Variants in NSUN2 observed in about 807,000 individuals in gnomAD.
NSUN2 encodes NOP2/Sun RNA methyltransferase 2.
In NSUN2, 63 loss-of-function variants were observed where a neutral mutation model predicts 92.7. That is an observed-to-expected ratio of 0.68 (90% CI 0.56 to 0.84). The LOEUF is 0.84. Among genes scored for constraint, NSUN2 ranks in the 40% least tolerant of loss-of-function variants. The pLI is 0.00. For missense variants in NSUN2, 989 were observed against 964.9 expected (o/e 1.02, Z -0.33); for synonymous variants, 356 against 348.3 (o/e 1.02, Z -0.25).
rs141912087 is a variant in NSUN2, at chr5:6,631,974, G to A, written c.258C>T (p.His86=). 4.6e-4 allele frequency: 732 copies of A among 1,606,798 alleles called. 1 individual carries two copies. Among genetic ancestry groups the A allele is most frequent in the Admixed American group, 1.3e-3 (77 of 59,590 alleles). Residue 86 remains histidine (H), a synonymous_variant, in exon 3 of 19, where the codon CAC becomes CAT. Transcript: ENST00000264670. The part of the protein sequence containing the change: ...ATLRITGYKS[H]AKEILHCLKN... The stretch of plus-strand genomic sequence containing the variant: ...TTAAGCAATGGAGAATCTCTTTTGC[G>A]TGGCTATTGAAAAATAAGGAAGTTT...
At chr5:6,632,801 C>A (rs376722580) in intron 1 of NSUN2, 45 bp from the exon 2 acceptor site, 1 of 1,586,336 alleles carries the variant, frequency 6.3e-7, no homozygotes, top group Admixed American at 1.8e-5. Flanking sequence ...AAGGAGCCGC[C>A]CCCTCGCCGC....
chr5:6,606,901 G>A lies in NSUN2; in HGVS notation c.1520C>T (p.Ser507Leu). The A allele has an allele frequency of 6.3e-7, 1 of 1,576,322 alleles. No individual in the cohort carries two copies. Reference sequence around the variant, plus strand: ...AAATCCAAATAACTTCATTTTCTTTGATGGAGGAGGACTAAAAAGGGAATC... The same window carrying A: ...AAATCCAAATAACTTCATTTTCTTTAATGGAGGAGGACTAAAAAGGGAATC... Reference protein sequence around the residue: ...KKDGVCGPPPSKKMKLFGFKE... With the variant: ...KKDGVCGPPPLKKMKLFGFKE... Residue 507 changes from serine to leucine, a missense_variant, in exon 14 of 19, where the codon TCA (serine) becomes TTA (leucine). Physicochemically the swap from Ser to Leu is moderately radical, Grantham distance 145 (BLOSUM62 -2). This residue lies in a region of NSUN2 where 626 missense variants were observed against 602.3 expected (regional missense o/e 1.04). Transcript: ENST00000264670.
At chr5:6,617,639 G>A (rs1198473754) in intron 8 of NSUN2, among the ~76,000 whole-genome samples, 2 of 152,120 alleles carry the variant, frequency 1.3e-5, no homozygotes, top group South Asian at 2.1e-4. Flanking sequence ...CAAAAACAGA[G>A]AGAAAAGATT....
intron 18 of NSUN2, among the ~76,000 whole-genome samples, chr5:6,601,980 G>A (rs368993389): frequency 4.3e-4 from 66 of 152,290 alleles, no homozygotes; most frequent in Admixed American, 7.2e-4. Context: ...AGGATGCAGC[G>A]TGAATACATG....
Position 6,631,229 on chromosome 5 carries a change from G to A in NSUN2, c.359+644C>T, listed in dbSNP as rs1044882213. Among the ~76,000 whole-genome samples the A allele has an allele frequency of 5.3e-5, 8 of 152,278 alleles. No individual in the cohort carries two copies. The East Asian group carries it at 5.8e-4, about 11-fold the overall frequency. ...AGTTAACTGAAGGACTGGCGCCTCC[G>A]GAGTTCTCCAAGCATCTTTACAAGA... On this transcript the variant is annotated intron_variant, in intron 3 of 18. Coordinates refer to ENST00000264670, the MANE Select transcript of NSUN2 (RefSeq NM_017755.6).
Position 6,632,189 on chromosome 5 carries a change from C to T in NSUN2, c.255-212G>A, listed in dbSNP as rs138530221. Among the ~76,000 whole-genome samples, 305 of 144,196 alleles carry T rather than the reference C, an allele frequency of 2.1e-3. 1 individual carries two copies. Among genetic ancestry groups the T allele is most frequent in the African/African-American group, 7.7e-3 (288 of 37,620 alleles). The allele number at this position is 144,196 out of a possible 152,430, so 94.6% of individuals were successfully genotyped here. A position where few individuals can be genotyped will look rare whatever the true frequency, so the allele number is the denominator to read the frequency against. On this transcript the variant is annotated intron_variant, in intron 2 of 18. Transcript: ENST00000264670. ...CTAAGAGCAACACTGCATTCCTTCT[C>T]TCCTAAGCATATCCTACCGTTAAGT...
At chr5:6,605,216 G>A in intron 15 of NSUN2, 57 bp downstream of exon 15, 7 of 1,598,490 alleles carry the variant, frequency 4.4e-6, no homozygotes, top group Non-Finnish European at 6.0e-6. Context: ...CTAAGCCGCT[G>A]TGAAAAGCCA....
chr5:6,628,722 T>C (rs1452414557), intron 3 of NSUN2, among the ~76,000 whole-genome samples: 1 of 152,094 alleles, frequency 6.6e-6, no homozygotes, highest in Non-Finnish European at 1.5e-5. Flanking sequence ...TTTGAATAAA[T>C]AAATGTTTAG....
At chr5:6,613,167 C>T (rs921382460) in intron 9 of NSUN2, among the ~76,000 whole-genome samples, 2 of 152,228 alleles carry the variant, frequency 1.3e-5, no homozygotes, top group African/African-American at 4.8e-5. Flanking sequence ...ATAGGAGACT[C>T]ACTGAATGAA....
intron 9 of NSUN2, among the ~76,000 whole-genome samples, chr5:6,616,429 C>A (rs1352228140): frequency 2.0e-5 from 3 of 152,160 alleles, no homozygotes. Context: ...TATGATTCCG[C>A]TTCTGTGAGG....
At chr5:6,600,642 C>T (rs1280331794) in intron 18 of NSUN2, among the ~76,000 whole-genome samples, 32 of 152,336 alleles carry the variant, frequency 2.1e-4, no homozygotes, top group Non-Finnish European at 1.2e-4. Flanking sequence ...TGGACTGAAG[C>T]TCCTGAGAGG....
intron 3 of NSUN2, among the ~76,000 whole-genome samples, chr5:6,626,481 T>C (rs1379356928): frequency 6.6e-6 from 1 of 152,130 alleles, no homozygotes; most frequent in African/African-American, 2.4e-5. Context: ...GTAATTCTCA[T>C]GCCTCAGTCA....
intron 9 of NSUN2, among the ~76,000 whole-genome samples, chr5:6,613,605 C>T (rs1045473556): frequency 4.6e-5 from 7 of 152,216 alleles, no homozygotes; most frequent in African/African-American, 1.7e-4. Context: ...CAACTGCATG[C>T]CATAGTCTAA....
At chr5:6,625,431 A>ACACTG (rs1196774138) in intron 4 of NSUN2, 133 bp downstream of exon 4, 1 of 634,230 alleles carries the variant, frequency 1.6e-6, no homozygotes, top group Non-Finnish European at 2.8e-6. Context: ...GGTGGTGCAC[A>ACACTG]CACTGCAGTT....
At chr5:6,627,344 T>G (rs1242645234) in intron 3 of NSUN2, among the ~76,000 whole-genome samples, 1 of 152,228 alleles carries the variant, frequency 6.6e-6, no homozygotes, top group South Asian at 2.1e-4. Context: ...CCAGCTCATA[T>G]AGTATCTGGT....
Position 6,632,993 on chromosome 5 carries a change from G to A in NSUN2, c.-14C>T, listed in dbSNP as rs1738003943. 1 of 1,439,796 alleles carries A rather than the reference G, an allele frequency of 6.9e-7. No homozygotes were observed. Among genetic ancestry groups the A allele is most frequent in the Non-Finnish European group, 9.0e-7 (1 of 1,107,702 alleles). 89.2% of individuals were successfully genotyped at this position (1,439,796 alleles called of 1,614,324 possible). The stretch of plus-strand genomic sequence containing the variant: ...CCGCCGCCCCATAGCCCACGCGGCC[G>A]CGCACGCAGCACGCAGAAACCGGCC... On this transcript the variant is annotated 5_prime_UTR_variant, in exon 1 of 19. Transcript: ENST00000264670.
Position 6,611,053 on chromosome 5 carries a change from G to A in NSUN2, c.1128C>T (p.Asp376=). 6.2e-7 allele frequency: 1 copy of A among 1,614,172 alleles called. No homozygotes were observed. The highest frequency in any genetic ancestry group is 8.5e-7 in the Non-Finnish European group (1 of 1,180,038). The part of the protein sequence containing the change: ...VMTKDGQWFT[D]WDAVPHSRHT... ...GTCTGCTGTGAGGAACAGCGTCCCA[G>A]TCTGTAAACCACTGCCCATCTTTCG... The change falls in exon 11 of 19, where the codon GAC becomes GAT. Residue 376 remains aspartate, a synonymous_variant. Coordinates refer to ENST00000264670, the MANE Select transcript of NSUN2 (RefSeq NM_017755.6).
chr5:6,623,305 T>C lies in NSUN2; in HGVS notation c.466-20A>G. ...ATTTCCCTTGAGGAAAAAAAAAAAA[T>C]CAGCAACAATTAGGAAAAAAAAAAA... On this transcript the variant is annotated intron_variant, in intron 4 of 18. Coordinates refer to ENST00000264670, the MANE Select transcript of NSUN2 (RefSeq NM_017755.6). 6.8e-7 allele frequency: 1 copy of C among 1,472,756 alleles called. No homozygotes were observed. Among genetic ancestry groups the C allele is most frequent in the South Asian group, 1.3e-5 (1 of 79,610 alleles). The allele number at this position is 1,472,756 out of a possible 1,614,324, so 91.2% of individuals were successfully genotyped here. A position where few individuals can be genotyped will look rare whatever the true frequency, so the allele number is the denominator to read the frequency against.
chr5:6,625,514 A>C, intron 4 of NSUN2, 50 bp downstream of exon 4: 1 of 1,334,638 alleles, frequency 7.5e-7, no homozygotes, highest in East Asian at 2.3e-5. Context: ...CACTACATCT[A>C]TGCATTTACA....
Sources: gnomAD v4.1 joint callset for allele counts (sites outside exome capture counted in the v4.1 genomes callset) on GRCh38, gnomAD v4.1.1 for gene constraint, gnomAD v4.1.1 regional missense constraint, MANE v1.5 for transcripts, NCBI Gene and HGNC (gene_info 2026-07-23, HGNC 2026-07-21) for gene names.